The following LMNA variants were observed in gnomAD, a reference collection of about 807,000 sequenced individuals.
LMNA encodes lamin.
A neutral mutation model predicts 70.4 loss-of-function variants in LMNA; 20 were observed. The ratio of observed to expected loss-of-function variants is 0.28; its 90% CI spans 0.20 to 0.41. The LOEUF (loss-of-function observed/expected upper bound fraction) is 0.41, where lower values mean the gene tolerates loss of function less well. Among genes scored for constraint, LMNA ranks in the 10% least tolerant of loss-of-function variants. The probability of loss-of-function intolerance (pLI) is 1.00; values close to 1 mark genes in which losing one functional copy is unlikely to be tolerated. For missense variants in LMNA, 652 were observed against 917.2 expected (o/e 0.71, Z 3.73); for synonymous variants, 339 against 372.8 (o/e 0.91, Z 1.04).
intron 3 of LMNA, among the ~76,000 whole-genome samples, chr1:156,107,112 G>A (rs955008341): frequency 2.0e-5 from 3 of 152,222 alleles, no homozygotes; most frequent in African/African-American, 7.2e-5. Context: ...GCTGTAATAT[G>A]CAGATAATGG....
At chr1:156,089,601 A>AAAAAAAAG (rs1553259678) in intron 2 of LMNA, among the ~76,000 whole-genome samples, 1 of 145,512 alleles carries the variant, frequency 6.9e-6, no homozygotes, top group Non-Finnish European at 1.5e-5. Flanking sequence ...CTAAAAAAAA[A>AAAAAAAAG]AAAGAAAGAA....
At position 156,129,782 on chromosome 1, in the gene LMNA, T is replaced by C. The variant is rs753808937; in HGVS notation, c.357-835T>C. On this transcript the variant is annotated intron_variant, in intron 1 of 11. Transcript: ENST00000368300. ...GTGAGGGAGGTGGCAGAGGCAGCGC[T>C]GTTCGACTGGTTATAGCTAAAGCTT... The C allele has an allele frequency of 2.8e-6, 2 of 724,416 alleles. 1 individual carries two copies. Among genetic ancestry groups the C allele is most frequent in the Non-Finnish European group, 5.1e-6 (2 of 388,976 alleles). The allele number at this position is 724,416 out of a possible 1,614,324, so 44.9% of individuals were successfully genotyped here. A position where few individuals can be genotyped will look rare whatever the true frequency, so the allele number is the denominator to read the frequency against.
Position 156,136,416 on chromosome 1 carries a change from C to A in LMNA, c.1360C>A (p.Leu454Met). ...GGATGAGGAGGGCAAGTTTGTCCGG[C>A]TGCGCAACAAGTCCAATGAGGTAGG... ...EVDEEGKFVR[L>M]RNKSNEDQSM... The change falls in exon 7 of 12, where the codon CTG becomes ATG. Residue 454 changes from leucine to methionine, a missense_variant. Transcript: ENST00000368300. This position sits in a 1 kb window ranked among gnomAD's most constrained non-coding sequence, Gnocchi z 6.1. 1 of 1,591,366 alleles carries A rather than the reference C, an allele frequency of 6.3e-7. No homozygotes were observed.
In LMNA at chr1:156,137,847, A is replaced by G; in HGVS notation, c.1698+104A>G. Reference sequence around the variant, plus strand: ...CCCCGTGCCAAAAATCTTTTCATTAAAGAATGTTTTGGAACTTTACTCGCT... The same window carrying G: ...CCCCGTGCCAAAAATCTTTTCATTAGAGAATGTTTTGGAACTTTACTCGCT... On this transcript the variant is annotated intron_variant, in intron 10 of 11. Coordinates refer to ENST00000368300, the MANE Select transcript of LMNA (RefSeq NM_170707.4). This position sits in a 1 kb window ranked among gnomAD's most constrained non-coding sequence, Gnocchi z 4.6. The G allele has an allele frequency of 6.5e-7, 1 of 1,536,404 alleles. No homozygotes were observed. The highest frequency in any genetic ancestry group is 8.7e-7 in the Non-Finnish European group (1 of 1,144,460).
chr1:156,119,820 A>C (rs1318580954), intron 1 of LMNA, among the ~76,000 whole-genome samples: 1 of 150,574 alleles, frequency 6.6e-6, no homozygotes, highest in Non-Finnish European at 1.5e-5. Flanking sequence ...TGGTGGTCTG[A>C]ATGTCTACCT....
chr1:156,135,075 AG>A lies in LMNA; in HGVS notation c.810+103del, dbSNP rs1651433084. ...TTCTGGGGATCAGGCAGATGGTGGC[AG>A]GGAGCTCAGGGTGGCCCAGGACCTG... On this transcript the variant is annotated intron_variant, in intron 4 of 11. Coordinates refer to ENST00000368300, the MANE Select transcript of LMNA (RefSeq NM_170707.4). This position sits in a 1 kb window ranked among gnomAD's most constrained non-coding sequence, Gnocchi z 4.8. 1.2e-6 allele frequency: 2 copies of A among 1,609,360 alleles called. No homozygotes were observed. Among genetic ancestry groups the A allele is most frequent in the African/African-American group, 2.7e-5 (2 of 74,864 alleles).
At position 156,138,545 on chromosome 1, in the gene LMNA, G is replaced by C; in HGVS notation, c.1756G>C (p.Val586Leu). 2 of 1,612,582 alleles carry C rather than the reference G, an allele frequency of 1.2e-6. No individual in the cohort carries two copies. Among genetic ancestry groups the C allele is most frequent in the South Asian group, 1.1e-5 (1 of 90,966 alleles). Residue 586 changes from valine to leucine, a missense_variant, in exon 11 of 12, where the codon GTG becomes CTG. Val to Leu is a conservative substitution (Grantham distance 32). Transcript: ENST00000368300. The surrounding 1 kb of genome is among the most constrained non-coding windows in gnomAD (Gnocchi z 5.5). ...PAEYNLRSRT[V>L]LCGTCGQPAD... is the part of the protein sequence containing the mutation. ...TGAGTACAACCTGCGCTCGCGCACC[G>C]TGCTGTGCGGGACCTGCGGGCAGCC...
intron 2 of LMNA, among the ~76,000 whole-genome samples, chr1:156,132,268 G>C (rs889921289): frequency 6.6e-6 from 1 of 152,022 alleles, no homozygotes; most frequent in African/African-American, 2.4e-5. Flanking sequence ...TTAGGAGTTC[G>C]AGACTAGCCT....
chr1:156,113,216 A>G (rs962230638), upstream of LMNA, among the ~76,000 whole-genome samples: 2 of 152,124 alleles, frequency 1.3e-5, no homozygotes, highest in East Asian at 3.9e-4. Context: ...AGGCAGGAGA[A>G]TCTCTTGAAC....
Position 156,134,589 on chromosome 1 carries a change from G to A in LMNA, c.639+61G>A. 1.2e-6 allele frequency: 2 copies of A among 1,608,670 alleles called. No individual in the cohort carries two copies. The highest frequency in any genetic ancestry group is 1.7e-6 in the Non-Finnish European group (2 of 1,177,230). ...CTGGGTGATGACAGACTTGGGCTGGGCTAGGGGGGACCAGCTGTGTGCAGA... is the reference window on the plus strand; with the variant it reads ...CTGGGTGATGACAGACTTGGGCTGGACTAGGGGGGACCAGCTGTGTGCAGA... On this transcript the variant is annotated intron_variant, in intron 3 of 11. Transcript: ENST00000368300. The surrounding 1 kb of genome is among the most constrained non-coding windows in gnomAD (Gnocchi z 5.3).
intron 3 of LMNA, among the ~76,000 whole-genome samples, chr1:156,105,023 C>G (rs560653710): frequency 6.6e-6 from 1 of 152,336 alleles, no homozygotes; most frequent in East Asian, 1.9e-4. Flanking sequence ...TTTAGCCTGT[C>G]TTCCTGTCCT....
chr1:156,136,400 G>C lies in LMNA; in HGVS notation c.1344G>C (p.Glu448Asp). 1 of 1,606,298 alleles carries C rather than the reference G, an allele frequency of 6.2e-7. No individual in the cohort carries two copies. Among genetic ancestry groups the C allele is most frequent in the South Asian group, 1.1e-5 (1 of 90,346 alleles). ...TGGCCGTGGAGGAGGTGGATGAGGA[G>C]GGCAAGTTTGTCCGGCTGCGCAACA... Reference protein sequence around the residue: ...GRVAVEEVDEEGKFVRLRNKS... With the variant: ...GRVAVEEVDEDGKFVRLRNKS... Residue 448 changes from glutamate (E) to aspartate (D), a missense_variant, in exon 7 of 12, where the codon GAG becomes GAC. By Grantham distance (45) the Glu-to-Asp change is conservative. Around this residue, in one of 4 missense-constraint regions of LMNA, gnomAD observed 327 missense variants for 387.6 expected, o/e 0.84. Transcript: ENST00000368300. The surrounding 1 kb of genome is among the most constrained non-coding windows in gnomAD (Gnocchi z 6.1).
chr1:156,105,142 G>T lies in LMNA; in HGVS notation c.-206-9571G>T, dbSNP rs142609801. On this transcript the variant is annotated intron_variant, in intron 3 of 12. Coordinates refer to the LMNA transcript ENST00000368301. ...CCAAAGTGAGGTGGGCTCTTGGCATGCTGTGCAAGCTTGGAGCTCACCCGG... is the reference window on the plus strand; with the variant it reads ...CCAAAGTGAGGTGGGCTCTTGGCATTCTGTGCAAGCTTGGAGCTCACCCGG... Among the ~76,000 whole-genome samples, 524 of 152,330 alleles carry T rather than the reference G, an allele frequency of 3.4e-3. 1 individual carries two copies. The highest frequency in any genetic ancestry group is 0.012 in the African/African-American group (491 of 41,564).
In LMNA at chr1:156,103,210, C is replaced by T. The variant is rs1313369045; in HGVS notation, c.-206-11503C>T. Reference sequence around the variant, plus strand: ...GCTCTAGGAACCTCCTTCCTGCCCCCACAGCTTCCTCTTTGTGTCCTGCCT... The same window carrying T: ...GCTCTAGGAACCTCCTTCCTGCCCCTACAGCTTCCTCTTTGTGTCCTGCCT... On this transcript the variant is annotated intron_variant, in intron 3 of 12. Coordinates refer to the LMNA transcript ENST00000368301. The surrounding 1 kb of genome is among the most constrained non-coding windows in gnomAD (Gnocchi z 4.7). Among the ~76,000 whole-genome samples the T allele has an allele frequency of 1.3e-5, 2 of 152,194 alleles. No homozygotes were observed. The highest frequency in any genetic ancestry group is 2.9e-5 in the Non-Finnish European group (2 of 68,014).
In LMNA at chr1:156,134,827, G is replaced by A. The variant is rs372567202; in HGVS notation, c.662G>A (p.Arg221His). 12 of 1,614,098 alleles carry A rather than the reference G, an allele frequency of 7.4e-6. No individual in the cohort carries two copies. Among genetic ancestry groups the A allele is most frequent in the African/African-American group, 2.7e-5 (2 of 74,930 alleles). Residue 221 changes from arginine to histidine, a missense_variant, in exon 4 of 12, where the codon CGT (arginine) becomes CAT (histidine). Coordinates refer to ENST00000368300, the MANE Select transcript of LMNA (RefSeq NM_170707.4). This position sits in a 1 kb window ranked among gnomAD's most constrained non-coding sequence, Gnocchi z 5.3. ...CAGGAGCTGCGTGAGACCAAGCGCC[G>A]TCATGAGACCCGACTGGTGGAGATT... ...YSEELRETKR[R>H]HETRLVEIDN...
chr1:156,134,292 C>T lies in LMNA; in HGVS notation c.514-111C>T, dbSNP rs78499673. Reference sequence around the variant, plus strand: ...GCATCCAAGGCCCTCCTTCCCTGGACCTGTTTCCACATGTGTGAAGGGGTG... The same window carrying T: ...GCATCCAAGGCCCTCCTTCCCTGGATCTGTTTCCACATGTGTGAAGGGGTG... On this transcript the variant is annotated intron_variant, in intron 2 of 11. Coordinates refer to ENST00000368300, the MANE Select transcript of LMNA (RefSeq NM_170707.4). This position sits in a 1 kb window ranked among gnomAD's most constrained non-coding sequence, Gnocchi z 5.3. 5.3e-3 allele frequency: 6,570 copies of T among 1,243,730 alleles called. 276 individuals are homozygous for T. In the African/African-American group the frequency reaches 0.086, roughly 16 times the overall value. The allele number at this position is 1,243,730 out of a possible 1,614,324, so 77.0% of individuals were successfully genotyped here.
rs776616872 is a variant in LMNA at position 156,138,479 on chromosome 1, C to T, written c.1699-9C>T. On this transcript the variant is annotated splice_polypyrimidine_tract_variant and intron_variant, in intron 10 of 11. Coordinates refer to ENST00000368300, the MANE Select transcript of LMNA (RefSeq NM_170707.4). This position sits in a 1 kb window ranked among gnomAD's most constrained non-coding sequence, Gnocchi z 5.5. ...CGCCGTCCCGCCTGAGCCTTGTCTC[C>T]CTTCCCAGGGCTCCCACTGCAGCAG... 8.7e-6 allele frequency: 14 copies of T among 1,611,324 alleles called. No homozygotes were observed. The East Asian group carries it at 2.7e-4, about 31-fold the overall frequency.
rs780918025 is a variant in LMNA at position 156,103,378 on chromosome 1, A to G, written c.-206-11335A>G. On this transcript the variant is annotated intron_variant, in intron 3 of 12. Transcript: ENST00000368301. The surrounding 1 kb of genome is among the most constrained non-coding windows in gnomAD (Gnocchi z 4.7). Reference sequence around the variant, plus strand: ...GAGGCCGCCAAGGAAGAGGGCCCCCAGTATGCCCCTCTTGTGTGCTGGGCC... The same window carrying G: ...GAGGCCGCCAAGGAAGAGGGCCCCCGGTATGCCCCTCTTGTGTGCTGGGCC... Among the ~76,000 whole-genome samples the G allele has an allele frequency of 6.6e-6, 1 of 152,078 alleles. No homozygotes were observed. The highest frequency in any genetic ancestry group is 1.5e-5 in the Non-Finnish European group (1 of 67,988).
At chr1:156,116,815 C>T (rs1034917196) in intron 1 of LMNA, among the ~76,000 whole-genome samples, 7 of 152,206 alleles carry the variant, frequency 4.6e-5, no homozygotes, top group Non-Finnish European at 8.8e-5. Flanking sequence ...CCACCCGCCT[C>T]AGCCTCCCAA....
Sources: gnomAD v4.1 joint callset for allele counts (sites outside exome capture counted in the v4.1 genomes callset) on GRCh38, gnomAD v4.1.1 for gene constraint, gnomAD v4.1.1 regional missense constraint, Gnocchi (gnomAD v3.1) non-coding constraint, MANE v1.5 for transcripts, NCBI Gene and HGNC (gene_info 2026-07-23, HGNC 2026-07-21) for gene names.